Variants in MYLIP observed in about 807,000 individuals in gnomAD.
MYLIP encodes the protein myosin regulatory light chain interacting protein, also known as E3 ubiquitin-protein ligase MYLIP.
A neutral mutation model predicts 45.8 loss-of-function variants in MYLIP; 26 were observed. That is an observed-to-expected ratio of 0.57 (90% confidence interval 0.42 to 0.79). The LOEUF is 0.79. MYLIP is among the 30% of genes least tolerant of loss of function. The pLI, the probability that MYLIP is intolerant of heterozygous loss-of-function variation, is 0.00. For missense variants in MYLIP, 494 were observed against 555.6 expected, an observed-to-expected ratio of 0.89 and a Z score of 1.11; for synonymous variants, 213 against 218.1, an observed-to-expected ratio of 0.98 and a Z score of 0.21.
At chr6:16,150,612 T>C (rs1480990676), downstream of MYLIP, among the ~76,000 whole-genome samples, 1 of 152,088 alleles carries the variant, frequency 6.6e-6, no homozygotes, top group Non-Finnish European at 1.5e-5. Context: ...AGAGGATTGC[T>C]TAAGACCAGG....
chr6:16,157,092 A>G, the MYLIP span, among the ~76,000 whole-genome samples: 1 of 152,238 alleles, frequency 6.6e-6, no homozygotes, highest in African/African-American at 2.4e-5. Context: ...TGAGGCTGGC[A>G]TCAGCTACTC....
chr6:16,130,730 C>G lies in MYLIP; in HGVS notation c.261C>G (p.Ile87Met). The part of the protein sequence containing the change: ...RVKFFVEPHL[I>M]LQEQTRHIFF... ...AGTTCTTCGTGGAGCCTCATCTCAT[C>G]TTACAGGAGCAGACTAGGTAAAGTG... is the stretch of plus-strand genomic sequence containing the variant. The change falls in exon 2 of 7, where the codon ATC (isoleucine) becomes ATG (methionine). Residue 87 changes from isoleucine (I) to methionine (M), a missense_variant. Physicochemically the swap from Ile to Met is conservative, Grantham distance 10. Coordinates refer to ENST00000356840, the MANE Select transcript of MYLIP (RefSeq NM_013262.4). 6.2e-7 allele frequency: 1 copy of G among 1,613,994 alleles called. No individual in the cohort carries two copies. Among genetic ancestry groups the G allele is most frequent in the Non-Finnish European group, 8.5e-7 (1 of 1,179,962 alleles).
Position 16,144,945 on chromosome 6 carries a change from G to T in MYLIP, c.876G>T (p.Leu292Phe). The T allele has an allele frequency of 6.2e-7, 1 of 1,614,222 alleles. No homozygotes were observed. The highest frequency in any genetic ancestry group is 1.6e-4 in the Middle Eastern group (1 of 6,062). ...TGATGATGCAGTATAGCCGTGACTT[G>T]AAGGGCCACTTGGCATCTCTGTTTC... ...SAVMMQYSRD[L>F]KGHLASLFLN... The change falls in exon 6 of 7, where the codon TTG becomes TTT. Residue 292 changes from leucine to phenylalanine, a missense_variant. By Grantham distance (22) the Leu-to-Phe change is conservative (BLOSUM62 0). Transcript: ENST00000356840.
Position 16,145,152 on chromosome 6 carries a change from C to G in MYLIP, c.1083C>G (p.Ser361Arg), listed in dbSNP as rs769142887. 3.7e-6 allele frequency: 6 copies of G among 1,614,194 alleles called. No homozygotes were observed. Among genetic ancestry groups the G allele is most frequent in the Non-Finnish European group, 5.1e-6 (6 of 1,180,024 alleles). ...CCTCAGAAAGCAGCATGAACTGCAG[C>G]AGCTGCGAGGGCCTCAGCTGCCAGC... ...LKSSESSMNC[S>R]SCEGLSCQQT... Residue 361 changes from serine to arginine, a missense_variant, in exon 6 of 7, where the codon AGC becomes AGG. Transcript: ENST00000356840.
intron 2 of MYLIP, 42 bp downstream of exon 2, chr6:16,130,789 GT>G: frequency 6.3e-7 from 1 of 1,585,764 alleles, no homozygotes; most frequent in Non-Finnish European, 8.6e-7. Context: ...TTGACCTTTG[GT>G]TCCCTTTAGA....
chr6:16,129,406 C>A lies in MYLIP; in HGVS notation c.84C>A (p.Asn28Lys). 6.3e-7 allele frequency: 1 copy of A among 1,585,200 alleles called. No homozygotes were observed. Among genetic ancestry groups the A allele is most frequent in the Non-Finnish European group, 8.6e-7 (1 of 1,166,184 alleles). The part of the protein sequence containing the change: ...EAKANGEDCL[N>K]QVCRRLGIIE... ...AAGCCAACGGCGAGGACTGCCTCAA[C>A]CAGGTGAGGGCGAGGGGCAAGAAGG... Residue 28 changes from asparagine (N) to lysine (K), a missense_variant, in exon 1 of 7, where the codon AAC (asparagine) becomes AAA (lysine). Physicochemically the swap from Asn to Lys is moderately conservative, Grantham distance 94. Transcript: ENST00000356840. The surrounding 1 kb of genome is among the most constrained non-coding windows in gnomAD (Gnocchi z 5.1).
the MYLIP span, among the ~76,000 whole-genome samples, chr6:16,159,457 G>A: frequency 1.3e-5 from 2 of 152,152 alleles, no homozygotes. Context: ...AGCTGCTCTC[G>A]CTGGACGGTC....
chr6:16,144,895 A>G lies in MYLIP; in HGVS notation c.828-2A>G. ...AAGTAGATGTTCAATCTTGCCTTGC[A>G]GGTGTGACACAGTGACCAGCGCCGT... On this transcript the variant is annotated splice_acceptor_variant, in intron 5 of 6. Coordinates refer to ENST00000356840, the MANE Select transcript of MYLIP (RefSeq NM_013262.4). LOFTEE classifies it high-confidence loss of function. The G allele has an allele frequency of 6.2e-7, 1 of 1,606,988 alleles. No homozygotes were observed. Among genetic ancestry groups the G allele is most frequent in the Non-Finnish European group, 8.5e-7 (1 of 1,174,968 alleles).
In MYLIP at chr6:16,133,805, C is replaced by T. The variant is rs141584616; in HGVS notation, c.278+3058C>T. 1.8e-3 allele frequency among the ~76,000 whole-genome samples: 275 copies of T among 152,278 alleles called. 2 individuals are homozygous for T. The highest frequency in any genetic ancestry group is 6.4e-3 in the African/African-American group (265 of 41,544). On this transcript the variant is annotated intron_variant, in intron 2 of 6. Coordinates refer to ENST00000356840, the MANE Select transcript of MYLIP (RefSeq NM_013262.4). ...GAGCTCTGAAGTCTTTGCTAGGAGA[C>T]GTTTTGCTTAGGTAAGGCTCACCAA...
At chr6:16,143,572 G>A (rs2113559746) in intron 4 of MYLIP, 127 bp from the exon 5 acceptor site, 1 of 953,886 alleles carries the variant, frequency 1.0e-6, no homozygotes, top group South Asian at 1.7e-5. Context: ...ATGGTGATGT[G>A]ATAACCCCAG....
At chr6:16,131,537 G>T (rs920774955) in intron 2 of MYLIP, among the ~76,000 whole-genome samples, 2 of 152,172 alleles carry the variant, frequency 1.3e-5, no homozygotes, top group Admixed American at 1.3e-4. Flanking sequence ...TTATTGAAAG[G>T]CAGGAGACTT....
chr6:16,134,097 A>G (rs1225515438), intron 2 of MYLIP, among the ~76,000 whole-genome samples: 1 of 152,116 alleles, frequency 6.6e-6, no homozygotes, highest in Non-Finnish European at 1.5e-5. Context: ...TCTTTCCTTT[A>G]TAGCATTTAA....
intron 4 of MYLIP, among the ~76,000 whole-genome samples, chr6:16,143,481 G>A (rs191073335): frequency 1.3e-5 from 2 of 152,224 alleles, no homozygotes; most frequent in South Asian, 2.1e-4. Flanking sequence ...ATGCATGTGC[G>A]CACACCCAGC....
chr6:16,160,280 G>T, the MYLIP span, among the ~76,000 whole-genome samples: 3 of 152,170 alleles, frequency 2.0e-5, no homozygotes, highest in Admixed American at 6.5e-5. Context: ...AGAGAGGGGG[G>T]TTATGGCAGA....
rs1474980558 is a variant in MYLIP, at chr6:16,144,997, A to T, written c.928A>T (p.Lys310Ter). ...GAATGAAAACATTAACCTTGGCAAG[A>T]AATATGTCTTTGATATTAAAAGAAC... is the stretch of plus-strand genomic sequence containing the variant. The part of the protein sequence containing the change: ...FLNENINLGK[K>*]YVFDIKRTSK... The change falls in exon 6 of 7, where the codon AAA (lysine) becomes TAA (stop). Residue 310 changes from lysine to a stop codon, truncating the protein, a stop_gained. Coordinates refer to ENST00000356840, the MANE Select transcript of MYLIP (RefSeq NM_013262.4). LOFTEE classifies it high-confidence loss of function. 7 of 1,614,066 alleles carry T rather than the reference A, an allele frequency of 4.3e-6. No homozygotes were observed. Among genetic ancestry groups the T allele is most frequent in the Non-Finnish European group, 5.1e-6 (6 of 1,180,044 alleles).
downstream of MYLIP, among the ~76,000 whole-genome samples, chr6:16,150,449 A>T (rs1759862338): frequency 6.6e-6 from 1 of 152,154 alleles, no homozygotes; most frequent in South Asian, 2.1e-4. Context: ...AGTCAAGGAG[A>T]TGGCACCATA....
At chr6:16,139,570 C>T (rs940767055) in intron 2 of MYLIP, among the ~76,000 whole-genome samples, 1 of 152,150 alleles carries the variant, frequency 6.6e-6, no homozygotes, top group Non-Finnish European at 1.5e-5. Flanking sequence ...GTACATTCAC[C>T]AAGATGAAGT....
In MYLIP at chr6:16,129,924, T is replaced by C. The variant is rs1759423613; in HGVS notation, c.87+515T>C. 6.6e-6 allele frequency among the ~76,000 whole-genome samples: 1 copy of C among 152,144 alleles called. No homozygotes were observed. Among genetic ancestry groups the C allele is most frequent in the Admixed American group, 6.5e-5 (1 of 15,286 alleles). ...TGCACCGTTCACCTGCATCTCCGGGTTTGCGGGGGACGGGAGGAATAGGTT... is the reference window on the plus strand; with the variant it reads ...TGCACCGTTCACCTGCATCTCCGGGCTTGCGGGGGACGGGAGGAATAGGTT... On this transcript the variant is annotated intron_variant, in intron 1 of 6. Coordinates refer to ENST00000356840, the MANE Select transcript of MYLIP (RefSeq NM_013262.4). This position sits in a 1 kb window ranked among gnomAD's most constrained non-coding sequence, Gnocchi z 5.1.
chr6:16,143,060 G>A lies in MYLIP; in HGVS notation c.505G>A (p.Ala169Thr), dbSNP rs755651136. The A allele has an allele frequency of 6.2e-7, 1 of 1,614,174 alleles. No homozygotes were observed. The highest frequency in any genetic ancestry group is 8.5e-7 in the Non-Finnish European group (1 of 1,180,020). The stretch of plus-strand genomic sequence containing the variant: ...TAAGGAGTTGGAGGGGACCAGCCAG[G>A]CTTCAGCTGAATACCAAGTTTTGCA... ...KHKELEGTSQ[A>T]SAEYQVLQIV... Residue 169 changes from alanine (A) to threonine (T), a missense_variant, in exon 4 of 7, where the codon GCT becomes ACT. Physicochemically the swap from Ala to Thr is moderately conservative, Grantham distance 58. Transcript: ENST00000356840.
Sources: gnomAD v4.1 joint callset for allele counts (sites outside exome capture counted in the v4.1 genomes callset) on GRCh38, gnomAD v4.1.1 for gene constraint, Gnocchi (gnomAD v3.1) non-coding constraint, MANE v1.5 for transcripts, NCBI Gene and HGNC (gene_info 2026-07-23, HGNC 2026-07-21) for gene names.